LNX2: variants seen among roughly 807,000 people sequenced by gnomAD.
LNX2 encodes the protein ligand of numb-protein X 2, also known as ligand of Numb protein X 2.
A neutral mutation model predicts 66.2 loss-of-function variants in LNX2; 35 were observed. That is an observed-to-expected ratio of 0.53 (90% CI 0.40 to 0.70). The LOEUF (loss-of-function observed/expected upper bound fraction) is 0.70, where lower values mean the gene tolerates loss of function less well. Ranked by LOEUF, LNX2 falls within the 30% of genes least tolerant of loss-of-function variation. The pLI is 0.00. For synonymous variants in LNX2, 337 were observed against 315.6 expected (o/e 1.07, Z -0.72); for missense variants, 791 against 850.8 (o/e 0.93, Z 0.87).
intron 6 of LNX2, among the ~76,000 whole-genome samples, chr13:27,557,606 A>C (rs751635825): frequency 3.9e-4 from 59 of 152,042 alleles, no homozygotes; most frequent in Non-Finnish European, 5.9e-4. Context: ...CAGAATTATA[A>C]CATTTCCTTA....
intron 1 of LNX2, among the ~76,000 whole-genome samples, chr13:27,597,645 G>A (rs1428465308): frequency 2.6e-5 from 4 of 152,014 alleles, no homozygotes; most frequent in Admixed American, 6.6e-5. Context: ...AATAATGAAG[G>A]GGGGTAAAAC....
At chr13:27,607,389 C>T (rs1266084548) in intron 1 of LNX2, among the ~76,000 whole-genome samples, 1 of 152,188 alleles carries the variant, frequency 6.6e-6, no homozygotes, top group Non-Finnish European at 1.5e-5. Flanking sequence ...GCACTAAAGT[C>T]TTACACACCA....
chr13:27,617,209 T>C (rs1394653143), intron 1 of LNX2, among the ~76,000 whole-genome samples: 1 of 152,232 alleles, frequency 6.6e-6, no homozygotes, highest in Non-Finnish European at 1.5e-5. Flanking sequence ...GGGATGTCTT[T>C]TGTAAGACTC....
chr13:27,554,567 A>AG (rs2138320799), intron 7 of LNX2, among the ~76,000 whole-genome samples: 1 of 152,302 alleles, frequency 6.6e-6, no homozygotes, highest in Non-Finnish European at 1.5e-5. Context: ...CCAGTACTTC[A>AG]GTCCTTTTCA....
intron 4 of LNX2, among the ~76,000 whole-genome samples, chr13:27,563,449 T>C (rs1386335797): frequency 2.0e-5 from 3 of 152,202 alleles, no homozygotes; most frequent in Admixed American, 6.5e-5. Context: ...AAGTAAAATA[T>C]AATGTATATC....
chr13:27,559,651 C>G (rs1955104688), intron 6 of LNX2, among the ~76,000 whole-genome samples, 191 bp downstream of exon 6: 2 of 152,066 alleles, frequency 1.3e-5, no homozygotes, highest in African/African-American at 4.8e-5. Flanking sequence ...TCCAAGGTAG[C>G]AAAACATATA....
At chr13:27,594,288 T>C (rs1955574148) in intron 1 of LNX2, among the ~76,000 whole-genome samples, 2 of 152,036 alleles carry the variant, frequency 1.3e-5, no homozygotes, top group African/African-American at 4.8e-5. Context: ...TTTTTTCTTA[T>C]TGAATTGTAC....
At chr13:27,612,862 C>G (rs1044242738) in intron 1 of LNX2, among the ~76,000 whole-genome samples, 1 of 152,186 alleles carries the variant, frequency 6.6e-6, no homozygotes, top group African/African-American at 2.4e-5. Flanking sequence ...AGTGAGCCAC[C>G]ATGCCTGGTC....
In LNX2 at chr13:27,547,853, CAA is replaced by C; in HGVS notation, c.*480_*481del. 2 of 152,046 alleles carry C rather than the reference CAA, an allele frequency of 1.3e-5. No homozygotes were observed. The highest frequency in any genetic ancestry group is 2.0e-4 in the South Asian group (1 of 4,980). 9.4% of individuals were successfully genotyped at this position (152,046 alleles called of 1,614,324 possible). ...CCTGGGTGAGAGTGAGACTGTGGTT[CAA>C]AAAAAAATGGGGAACAGTTATCACC... On this transcript the variant is annotated 3_prime_UTR_variant, in exon 10 of 10. Coordinates refer to ENST00000316334, the MANE Select transcript of LNX2 (RefSeq NM_153371.4).
chr13:27,562,271 TA>T (rs149999933), intron 5 of LNX2, 141 bp downstream of exon 5: 57,072 of 1,009,504 alleles, frequency 0.057, 1,897 homozygotes, highest in Non-Finnish European at 0.067. Context: ...GTGTGGATTT[TA>T]AAGAATTCAG....
chr13:27,552,352 C>G (rs73446816), intron 8 of LNX2, among the ~76,000 whole-genome samples: 22,656 of 152,148 alleles, frequency 0.15, 2,138 homozygotes, highest in East Asian at 0.28. Flanking sequence ...ATGCGCAAAG[C>G]GCCTTGAAGC....
chr13:27,608,694 T>A (rs959287937), intron 1 of LNX2, among the ~76,000 whole-genome samples: 1 of 152,202 alleles, frequency 6.6e-6, no homozygotes, highest in Non-Finnish European at 1.5e-5. Flanking sequence ...TGCTAAATTT[T>A]AAATTAAATT....
intron 1 of LNX2, among the ~76,000 whole-genome samples, chr13:27,589,642 G>A (rs759651526): frequency 9.9e-5 from 15 of 152,038 alleles, no homozygotes; most frequent in South Asian, 2.1e-4. Flanking sequence ...AGTGCAAAGT[G>A]ATCAAGGCAA....
intron 1 of LNX2, among the ~76,000 whole-genome samples, chr13:27,599,605 A>T (rs1004601494): frequency 2.0e-5 from 3 of 152,256 alleles, no homozygotes; most frequent in Non-Finnish European, 4.4e-5. Flanking sequence ...CCATATTTAC[A>T]AAGCTATAAT....
intron 1 of LNX2, among the ~76,000 whole-genome samples, chr13:27,618,092 C>G (rs1955846544): frequency 6.6e-6 from 1 of 152,170 alleles, no homozygotes; most frequent in Non-Finnish European, 1.5e-5. Flanking sequence ...GAATTTGACC[C>G]GTTTTAATTT....
At position 27,547,439 on chromosome 13, in the gene LNX2, G is replaced by A. The variant is rs978791101; in HGVS notation, c.*896C>T. Reference sequence around the variant, plus strand: ...TACTATTCTAATAATAGTATATTAAGAAATTTCTTTAGTGTTGTCAGACTT... The same window carrying A: ...TACTATTCTAATAATAGTATATTAAAAAATTTCTTTAGTGTTGTCAGACTT... On this transcript the variant is annotated 3_prime_UTR_variant, in exon 10 of 10. Transcript: ENST00000316334. The A allele has an allele frequency of 6.6e-6, 1 of 152,110 alleles. No individual in the cohort carries two copies. 9.4% of individuals were successfully genotyped at this position (152,110 alleles called of 1,614,324 possible). A position where few individuals can be genotyped will look rare whatever the true frequency, so the allele number is the denominator to read the frequency against.
chr13:27,585,437 A>AAAAT (rs533543519), intron 1 of LNX2, among the ~76,000 whole-genome samples: 5 of 151,698 alleles, frequency 3.3e-5, no homozygotes, highest in African/African-American at 9.6e-5. Flanking sequence ...GGAAAAAAAT[A>AAAAT]AAATAAATAA....
intron 1 of LNX2, among the ~76,000 whole-genome samples, chr13:27,589,100 C>A (rs1393077182): frequency 6.6e-6 from 1 of 152,132 alleles, no homozygotes; most frequent in Non-Finnish European, 1.5e-5. Flanking sequence ...CCTTCTTTCA[C>A]AAGAAGTACC....
rs943955042 is a variant in LNX2 at position 27,546,208 on chromosome 13, T to A, written c.*2127A>T. 7.2e-5 allele frequency: 11 copies of A among 152,218 alleles called. No individual in the cohort carries two copies. The highest frequency in any genetic ancestry group is 7.2e-4 in the Admixed American group (11 of 15,286). 9.4% of individuals were successfully genotyped at this position (152,218 alleles called of 1,614,324 possible). ...AGTGAAGAAATTTCTTCTTTCAAAA[T>A]ACTCATTATGCCACCAGGTTCAATG... On this transcript the variant is annotated 3_prime_UTR_variant, in exon 10 of 10. Coordinates refer to ENST00000316334, the MANE Select transcript of LNX2 (RefSeq NM_153371.4).
Sources: allele counts gnomAD v4.1 joint callset (sites outside exome capture counted in the v4.1 genomes callset), GRCh38; gene constraint gnomAD v4.1.1; transcripts MANE v1.5; gene names NCBI Gene and HGNC (gene_info 2026-07-23, HGNC 2026-07-21).